The following PLCE1 variants were observed in gnomAD, a reference collection of about 807,000 sequenced individuals.
PLCE1 encodes the protein 1-phosphatidylinositol 4,5-bisphosphate phosphodiesterase epsilon-1.
Under a neutral mutation model 242.8 loss-of-function variants are expected in PLCE1, and 119 were observed. That is an observed-to-expected ratio of 0.49 (90% confidence interval 0.42 to 0.57). The LOEUF (loss-of-function observed/expected upper bound fraction) is 0.57. Among genes scored for constraint, PLCE1 ranks in the 20% least tolerant of loss-of-function variants. The pLI is 0.00. For synonymous variants in PLCE1, 945 were observed against 1,017.4 expected, an observed-to-expected ratio of 0.93 and a Z score of 1.35; for missense variants, 2,441 against 2,788.8, an observed-to-expected ratio of 0.88 and a Z score of 2.81.
intron 4 of PLCE1, among the ~76,000 whole-genome samples, chr10:94,219,357 C>T (rs1303702108): frequency 6.6e-6 from 1 of 152,134 alleles, no homozygotes; most frequent in Non-Finnish European, 1.5e-5. Context: ...GATTTAGGAA[C>T]CCACCAATGT....
At chr10:94,153,244 T>G (rs2047327645) in intron 3 of PLCE1, among the ~76,000 whole-genome samples, 1 of 152,070 alleles carries the variant, frequency 6.6e-6, no homozygotes, top group Admixed American at 6.6e-5. Flanking sequence ...TATATTCATA[T>G]AAAAATGAAT....
At chr10:94,188,060 C>T (rs1181361014) in intron 4 of PLCE1, among the ~76,000 whole-genome samples, 1 of 152,114 alleles carries the variant, frequency 6.6e-6, no homozygotes, top group Non-Finnish European at 1.5e-5. Context: ...TCCCTTAAAT[C>T]ACATCCTCCC....
chr10:94,269,161 G>A (rs1010328653), intron 17 of PLCE1, 125 bp downstream of exon 17: 24 of 576,198 alleles, frequency 4.2e-5, no homozygotes, highest in Non-Finnish European at 6.1e-5. Flanking sequence ...GAGTAGAGTG[G>A]TACCATCTTG....
rs775247624 is a variant in PLCE1, at chr10:94,031,117, C to T, written c.71C>T (p.Ser24Leu). Residue 24 changes from serine to leucine, a missense_variant, in exon 2 of 33, where the codon TCG (serine) becomes TTG (leucine). Ser to Leu is a moderately radical substitution (Grantham distance 145, BLOSUM62 -2). Coordinates refer to ENST00000371380, the MANE Select transcript of PLCE1 (RefSeq NM_016341.4). ...VTQRKVVSAQ[S>L]AADESSEKVS... The stretch of plus-strand genomic sequence containing the variant: ...CAGAGAAAAGTGGTTTCTGCCCAGT[C>T]GGCTGCAGATGAAAGTAGTGAAAAG... 58 of 1,613,660 alleles carry T rather than the reference C, an allele frequency of 3.6e-5. No homozygotes were observed. Among genetic ancestry groups the T allele is most frequent in the African/African-American group, 5.3e-5 (4 of 75,004 alleles).
intron 1 of PLCE1, among the ~76,000 whole-genome samples, chr10:94,005,020 A>C (rs1484217569): frequency 6.6e-6 from 1 of 152,244 alleles, no homozygotes; most frequent in Non-Finnish European, 1.5e-5. Flanking sequence ...GGCTTAGTTA[A>C]AACTCTAACT....
At chr10:94,324,826 T>C (rs2053950767) in intron 31 of PLCE1, 66 bp from the exon 32 acceptor site, 4 of 1,480,048 alleles carry the variant, frequency 2.7e-6, no homozygotes, top group Non-Finnish European at 3.8e-6. Flanking sequence ...TCTTCTGAAA[T>C]AGTGTCATGT....
chr10:94,293,933 G>A (rs2052722122), intron 23 of PLCE1, among the ~76,000 whole-genome samples: 1 of 151,894 alleles, frequency 6.6e-6, no homozygotes, highest in East Asian at 1.9e-4. Flanking sequence ...ATGATGAAAC[G>A]CCATCTCTAT....
At chr10:94,091,678 T>C (rs2045081025) in intron 2 of PLCE1, among the ~76,000 whole-genome samples, 1 of 152,018 alleles carries the variant, frequency 6.6e-6, no homozygotes, top group South Asian at 2.1e-4. Flanking sequence ...AACAGAGTAT[T>C]AGAGTAGTGA....
chr10:94,222,128 G>T (rs1270330449), intron 4 of PLCE1, among the ~76,000 whole-genome samples: 1 of 152,168 alleles, frequency 6.6e-6, no homozygotes, highest in Non-Finnish European at 1.5e-5. Flanking sequence ...CTAAGGGTCT[G>T]CTGGGGGAGA....
At chr10:94,322,669 C>T (rs1437044445) in intron 30 of PLCE1, among the ~76,000 whole-genome samples, 2 of 152,092 alleles carry the variant, frequency 1.3e-5, no homozygotes, top group African/African-American at 4.8e-5. Flanking sequence ...CCTGTAATCC[C>T]AGCTACTTGG....
At chr10:94,079,967 C>T (rs977428102) in intron 2 of PLCE1, among the ~76,000 whole-genome samples, 1 of 152,224 alleles carries the variant, frequency 6.6e-6, no homozygotes, top group Non-Finnish European at 1.5e-5. Context: ...AAGTTTATAG[C>T]TGATTTTACT....
chr10:94,271,331 T>G (rs2051724877), intron 18 of PLCE1, among the ~76,000 whole-genome samples: 1 of 146,010 alleles, frequency 6.8e-6, no homozygotes, highest in Non-Finnish European at 1.5e-5. Context: ...TTTTTTTTTT[T>G]TGCGATGGAG....
intron 13 of PLCE1, among the ~76,000 whole-genome samples, chr10:94,261,654 G>C (rs1433068468): frequency 2.6e-5 from 4 of 152,172 alleles, no homozygotes; most frequent in African/African-American, 4.8e-5. Context: ...GAACATTGCA[G>C]GTGGGAATGT....
Position 94,332,495 on chromosome 10 carries a change from ATGTGTGTGCCTGTG to A in PLCE1, c.*4561_*4574del, listed in dbSNP as rs1441452074. 5 of 130,346 alleles carry A rather than the reference ATGTGTGTGCCTGTG, an allele frequency of 3.8e-5. No individual in the cohort carries two copies. Among genetic ancestry groups the A allele is most frequent in the Admixed American group, 8.4e-5 (1 of 11,966 alleles). The allele number at this position is 130,346 out of a possible 1,614,324, so 8.1% of individuals were successfully genotyped here. A position where few individuals can be genotyped will look rare whatever the true frequency, so the allele number is the denominator to read the frequency against. ...CTGTAGCTTAATATAGCCTCAGGATATGTGTGTGCCTGTGTGTGTGTGTGTGTGTGTGTGTGTGT... is the reference window on the plus strand; with the variant it reads ...CTGTAGCTTAATATAGCCTCAGGATATGTGTGTGTGTGTGTGTGTGTGTGT... On this transcript the variant is annotated 3_prime_UTR_variant, in exon 33 of 33. Coordinates refer to ENST00000371380, the MANE Select transcript of PLCE1 (RefSeq NM_016341.4).
At chr10:94,215,119 C>T (rs2049475926) in intron 4 of PLCE1, among the ~76,000 whole-genome samples, 1 of 152,104 alleles carries the variant, frequency 6.6e-6, no homozygotes, top group South Asian at 2.1e-4. Context: ...TTGCCTTCCC[C>T]AGCAACACTA....
At chr10:94,057,678 C>G (rs1027564319) in intron 2 of PLCE1, among the ~76,000 whole-genome samples, 1 of 152,148 alleles carries the variant, frequency 6.6e-6, no homozygotes, top group Non-Finnish European at 1.5e-5. Context: ...TGTATTAGTT[C>G]TATTGCTGCA....
At chr10:94,324,645 G>C in intron 31 of PLCE1, 78 bp downstream of exon 31, 2 of 1,267,804 alleles carry the variant, frequency 1.6e-6, no homozygotes, top group Non-Finnish European at 2.3e-6. Flanking sequence ...TCTGGAAGCT[G>C]GTGAAATTTA....
At position 94,031,650 on chromosome 10, in the gene PLCE1, T is replaced by A; in HGVS notation, c.604T>A (p.Cys202Ser). ...EVDRRMSDTFCTLSENLILDD... is the reference protein window; with the variant it reads ...EVDRRMSDTFSTLSENLILDD... Reference sequence around the variant, plus strand: ...TGACAGAAGAATGTCAGACACTTTCTGTACCCTATCAGAAAACTTAATTTT... The same window carrying A: ...TGACAGAAGAATGTCAGACACTTTCAGTACCCTATCAGAAAACTTAATTTT... The change falls in exon 2 of 33, where the codon TGT becomes AGT. Residue 202 changes from cysteine (C) to serine (S), a missense_variant. This residue lies in a region of PLCE1 where 393 missense variants were observed against 378.5 expected (regional missense o/e 1.04). Transcript: ENST00000371380. 1 of 1,613,910 alleles carries A rather than the reference T, an allele frequency of 6.2e-7. No homozygotes were observed. The highest frequency in any genetic ancestry group is 8.5e-7 in the Non-Finnish European group (1 of 1,179,888).
chr10:94,309,374 A>G (rs2053310233), intron 27 of PLCE1, among the ~76,000 whole-genome samples: 1 of 151,664 alleles, frequency 6.6e-6, no homozygotes, highest in South Asian at 2.1e-4. Flanking sequence ...TCTGTCACCC[A>G]GGTTGGAGTG....
Sources: gnomAD v4.1 joint callset for allele counts (sites outside exome capture counted in the v4.1 genomes callset) on GRCh38, gnomAD v4.1.1 for gene constraint, gnomAD v4.1.1 regional missense constraint, MANE v1.5 for transcripts, NCBI Gene and HGNC (gene_info 2026-07-23, HGNC 2026-07-21) for gene names.